KSR1: variants seen among roughly 807,000 people sequenced by gnomAD.
The protein encoded by KSR1 is kinase suppressor of ras 1.
KSR1 carries 35 observed loss-of-function variants against 92.9 expected under a neutral mutation model. The observed-to-expected ratio is 0.38, with a 90% CI of 0.29 to 0.50. The LOEUF (loss-of-function observed/expected upper bound fraction) is 0.50, where lower values mean the gene tolerates loss of function less well. Among genes scored for constraint, KSR1 ranks in the 20% least tolerant of loss-of-function variants. The pLI is 0.94. For synonymous variants in KSR1, 467 were observed against 472.6 expected (o/e 0.99, Z 0.15); for missense variants, 972 against 1,158.5 (o/e 0.84, Z 2.34).
chr17:27,618,839 A>C (rs9908944), intron 19 of KSR1, among the ~76,000 whole-genome samples: 30,238 of 152,104 alleles, frequency 0.2, 3,093 homozygotes, highest in Admixed American at 0.26. Flanking sequence ...AATAGTTTTA[A>C]CTTTCTGAAA....
rs200571324 is a variant in KSR1, at chr17:27,582,688, C to T, written c.563C>T (p.Ala188Val). Residue 188 changes from alanine to valine, a missense_variant, in exon 4 of 21, where the codon GCG becomes GTG. Physicochemically the swap from Ala to Val is moderately conservative, Grantham distance 64. This residue lies in a region of KSR1 where 611 missense variants were observed against 668.0 expected (regional missense o/e 0.91). Transcript: ENST00000644974. ...KEDSSWSSLD[A>V]RRESGSGPST... ...GACTCCAGTTGGAGTTCATTGGATG[C>T]GCGGCGGGAAAGTGGCTCAGGGCCT... 8.8e-5 allele frequency: 142 copies of T among 1,613,098 alleles called. 2 individuals carry two copies. Among genetic ancestry groups the T allele is most frequent in the South Asian group, 8.7e-4 (79 of 90,968 alleles).
intron 9 of KSR1, among the ~76,000 whole-genome samples, chr17:27,594,466 C>T (rs1308401241): frequency 6.6e-6 from 1 of 152,052 alleles, no homozygotes; most frequent in African/African-American, 2.4e-5. Flanking sequence ...CATCTCCACC[C>T]ACCTGGACAC....
At chr17:27,586,896 G>A (rs1182808248) in intron 5 of KSR1, among the ~76,000 whole-genome samples, 2 of 152,084 alleles carry the variant, frequency 1.3e-5, no homozygotes, top group African/African-American at 4.8e-5. Context: ...CTTTTGAGAC[G>A]AAATCTCGCT....
intron 1 of KSR1, among the ~76,000 whole-genome samples, chr17:27,512,083 A>G (rs1044344337): frequency 6.6e-6 from 1 of 152,114 alleles, no homozygotes; most frequent in African/African-American, 2.4e-5. Context: ...TCCCCTCATC[A>G]AGGTCCTGGT....
chr17:27,474,648 T>C (rs1443314365), intron 1 of KSR1, among the ~76,000 whole-genome samples: 1 of 152,198 alleles, frequency 6.6e-6, no homozygotes, highest in Non-Finnish European at 1.5e-5. Context: ...TATATTATAA[T>C]ATTACTATTT....
At chr17:27,581,225 T>G (rs1961108) in intron 3 of KSR1, among the ~76,000 whole-genome samples, 20,989 of 151,822 alleles carry the variant, frequency 0.14, 1,601 homozygotes, top group Admixed American at 0.23. Flanking sequence ...AAACTCACTC[T>G]CTCGAGAACA....
At chr17:27,463,205 C>T (rs918898296) in intron 1 of KSR1, among the ~76,000 whole-genome samples, 8 of 152,102 alleles carry the variant, frequency 5.3e-5, no homozygotes, top group Admixed American at 4.6e-4. Flanking sequence ...ACACTGACGG[C>T]CAAGAGTTTA....
chr17:27,556,675 C>T (rs2071607627), intron 2 of KSR1, among the ~76,000 whole-genome samples: 1 of 152,204 alleles, frequency 6.6e-6, no homozygotes, highest in African/African-American at 2.4e-5. Context: ...TAAGAAATTG[C>T]GTAGGGCCAT....
chr17:27,579,292 G>A (rs1306544967), intron 3 of KSR1: 1 of 152,154 alleles, frequency 6.6e-6, no homozygotes, highest in Non-Finnish European at 1.5e-5. Context: ...GAGTACAGGT[G>A]GGCTATGGAA....
chr17:27,467,909 C>T (rs578239359), intron 1 of KSR1, among the ~76,000 whole-genome samples: 1 of 150,508 alleles, frequency 6.6e-6, no homozygotes, highest in Non-Finnish European at 1.5e-5. Context: ...CTCCTGGGTT[C>T]CATTCCATTC....
At chr17:27,568,374 T>G (rs2072168566) in intron 2 of KSR1, among the ~76,000 whole-genome samples, 1 of 152,230 alleles carries the variant, frequency 6.6e-6, no homozygotes, top group Non-Finnish European at 1.5e-5. Context: ...CATCTGTGAT[T>G]TGGCTTCTGG....
rs1230158031 is a variant in KSR1, at chr17:27,605,483, A to G, written c.1664A>G (p.Glu555Gly). The G allele has an allele frequency of 6.2e-7, 1 of 1,608,524 alleles. No individual in the cohort carries two copies. The highest frequency in any genetic ancestry group is 8.5e-7 in the Non-Finnish European group (1 of 1,178,300). Residue 555 changes from glutamate to glycine, a missense_variant, in exon 14 of 21, where the codon GAG (glutamate) becomes GGG (glycine). Glu to Gly is a moderately conservative substitution (Grantham distance 98). This residue lies in a region of KSR1 where 611 missense variants were observed against 668.0 expected (regional missense o/e 0.91). Transcript: ENST00000644974. ...TCAGAGGCAGAAGACGATGAGGACG[A>G]GGTGGACGACTTGCCGAGCTCTCGC... ...GKSEAEDDED[E>G]VDDLPSSRRP...
In KSR1 at chr17:27,526,070, C is replaced by CTT. The variant is rs369132413; in HGVS notation, c.232-24497_232-24496insTT. On this transcript the variant is annotated intron_variant, in intron 1 of 20. Coordinates refer to ENST00000644974, the MANE Select transcript of KSR1 (RefSeq NM_001394583.1). ...TCTCTCTCTCTCTCTCTCTTTCTTT[C>CTT]TCTTTCTTTCTTTCTTTCTTTCTTT... Among the ~76,000 whole-genome samples the CTT allele has an allele frequency of 3.3e-3, 270 of 81,358 alleles. 7 individuals carry two copies. The highest frequency in any genetic ancestry group is 5.9e-3 in the African/African-American group (110 of 18,548). The allele number at this position is 81,358 out of a possible 152,430, so 53.4% of individuals were successfully genotyped here.
At chr17:27,562,064 T>C in intron 2 of KSR1, among the ~76,000 whole-genome samples, 1 of 152,208 alleles carries the variant, frequency 6.6e-6, no homozygotes, top group East Asian at 1.9e-4. Context: ...CAGGCTAGTC[T>C]TGAACTCTAG....
chr17:27,557,477 C>T (rs1012241818), intron 2 of KSR1, among the ~76,000 whole-genome samples: 2 of 152,174 alleles, frequency 1.3e-5, no homozygotes, highest in African/African-American at 2.4e-5. Context: ...CCTCCCAGAA[C>T]CACTGTCCAG....
intron 15 of KSR1, among the ~76,000 whole-genome samples, chr17:27,608,853 A>G (rs2073836922): frequency 6.6e-6 from 1 of 152,162 alleles, no homozygotes; most frequent in Non-Finnish European, 1.5e-5. Context: ...TTATGACTGT[A>G]CACTGATAAA....
At chr17:27,514,215 T>G (rs1180187229) in intron 1 of KSR1, among the ~76,000 whole-genome samples, 3 of 152,250 alleles carry the variant, frequency 2.0e-5, no homozygotes, top group Admixed American at 1.3e-4. Flanking sequence ...TCGGTCAGCC[T>G]GTGTTTTATT....
chr17:27,610,028 G>T, intron 16 of KSR1, 39 bp from the exon 17 acceptor site: 1 of 1,610,914 alleles, frequency 6.2e-7, no homozygotes, highest in Non-Finnish European at 8.5e-7. Flanking sequence ...GCTGCCTGCT[G>T]AAAGGCCTGT....
intron 1 of KSR1, among the ~76,000 whole-genome samples, chr17:27,504,528 T>C (rs2069306414): frequency 6.6e-6 from 1 of 152,036 alleles, no homozygotes; most frequent in Admixed American, 6.6e-5. Flanking sequence ...CCCTGGAGCC[T>C]GCTTGAAGGG....
Sources: allele counts gnomAD v4.1 joint callset (sites outside exome capture counted in the v4.1 genomes callset), GRCh38; gene constraint gnomAD v4.1.1; regional missense constraint gnomAD v4.1.1; transcripts MANE v1.5; gene names NCBI Gene and HGNC (gene_info 2026-07-23, HGNC 2026-07-21).